Variants in RIMS2 observed in about 807,000 individuals in gnomAD.
The protein encoded by RIMS2 is regulating synaptic membrane exocytosis 2.
RIMS2 carries 59 observed loss-of-function variants against 174.4 expected under a neutral mutation model. The ratio of observed to expected loss-of-function variants is 0.34; its 90% CI spans 0.27 to 0.42. RIMS2 has a LOEUF of 0.42. Among genes scored for constraint, RIMS2 ranks in the 10% least tolerant of loss-of-function variants. RIMS2 has a pLI of 1.00. For missense variants in RIMS2, 1,620 were observed against 1,666.3 expected, an observed-to-expected ratio of 0.97 and a Z score of 0.48; for synonymous variants, 606 against 572.5, an observed-to-expected ratio of 1.06 and a Z score of -0.84.
intron 1 of RIMS2, among the ~76,000 whole-genome samples, chr8:103,522,338 TAG>T (rs1832120986): frequency 6.6e-6 from 1 of 152,012 alleles, no homozygotes; most frequent in Non-Finnish European, 1.5e-5. Context: ...TCATATGGAG[TAG>T]AGTGATACTT....
intron 3 of RIMS2, among the ~76,000 whole-genome samples, chr8:103,844,127 G>A (rs1050455437): frequency 2.0e-5 from 3 of 152,178 alleles, no homozygotes; most frequent in Non-Finnish European, 4.4e-5. Context: ...CCCTAGCCAC[G>A]TGGAACTGTG....
rs965991035 is a variant in RIMS2, at chr8:104,234,306, T to C, written c.3335-10610T>C. On this transcript the variant is annotated intron_variant, in intron 19 of 23. Coordinates refer to ENST00000504942, the Ensembl canonical transcript of RIMS2. ...CCAACCATAAAATATTGCCTCAAAATATCTAACTTGAGAGTTACGAAGAGG... is the reference window on the plus strand; with the variant it reads ...CCAACCATAAAATATTGCCTCAAAACATCTAACTTGAGAGTTACGAAGAGG... 5.9e-5 allele frequency among the ~76,000 whole-genome samples: 9 copies of C among 152,028 alleles called. No individual in the cohort carries two copies. In the East Asian group the frequency reaches 9.6e-4, roughly 16 times the overall value.
intron 19 of RIMS2, among the ~76,000 whole-genome samples, chr8:104,219,845 T>C (rs1470305767): frequency 6.6e-6 from 1 of 152,204 alleles, no homozygotes; most frequent in Non-Finnish European, 1.5e-5. Context: ...ATACTACTTG[T>C]ATATTCTGAT....
intron 21 of RIMS2, among the ~76,000 whole-genome samples, 193 bp downstream of exon 27, chr8:104,249,006 G>C (rs994194637): frequency 6.8e-6 from 1 of 147,442 alleles, no homozygotes; most frequent in Non-Finnish European, 1.5e-5. Context: ...ATGGTTCACT[G>C]CAGCCTTGAC....
chr8:104,071,249 C>A (rs1279212011), intron 19 of RIMS2, among the ~76,000 whole-genome samples: 1 of 152,086 alleles, frequency 6.6e-6, no homozygotes, highest in African/African-American at 2.4e-5. Flanking sequence ...TGACAGCAAT[C>A]ATTTTAAGTT....
chr8:103,882,283 TG>T (rs1371623021), intron 3 of RIMS2, among the ~76,000 whole-genome samples: 7 of 151,548 alleles, frequency 4.6e-5, no homozygotes, highest in Non-Finnish European at 1.0e-4. Context: ...ATTTAGTTCC[TG>T]AAAGGAATAT....
At chr8:103,502,514 T>A (rs1378108920) in intron 1 of RIMS2, among the ~76,000 whole-genome samples, 1 of 152,162 alleles carries the variant, frequency 6.6e-6, no homozygotes, top group Non-Finnish European at 1.5e-5. Context: ...TATTTGGGAA[T>A]GTTATTTATT....
chr8:103,696,885 A>AAAAAAAC (rs1554753422), intron 1 of RIMS2, among the ~76,000 whole-genome samples: 12 of 136,876 alleles, frequency 8.8e-5, no homozygotes, highest in African/African-American at 1.4e-4. Context: ...AAAAAAAAAA[A>AAAAAAAC]GAAGGTAGAA....
At chr8:104,062,406 C>A (rs138618812) in intron 19 of RIMS2, among the ~76,000 whole-genome samples, 2 of 152,002 alleles carry the variant, frequency 1.3e-5, no homozygotes, top group Non-Finnish European at 2.9e-5. Flanking sequence ...AACTCCATCT[C>A]AAAAAAATTT....
chr8:103,819,847 C>T lies in RIMS2; in HGVS notation c.698+53310C>T, dbSNP rs1330015324. On this transcript the variant is annotated intron_variant, in intron 3 of 23. Coordinates refer to ENST00000504942, the Ensembl canonical transcript of RIMS2. Reference sequence around the variant, plus strand: ...GCATCTTAAATTTAACTAGCTTGACCTCTGAAACGTAATACAGATATCAGG... The same window carrying T: ...GCATCTTAAATTTAACTAGCTTGACTTCTGAAACGTAATACAGATATCAGG... 2.0e-5 allele frequency among the ~76,000 whole-genome samples: 3 copies of T among 152,002 alleles called. No individual in the cohort carries two copies. The East Asian group carries it at 5.8e-4, about 29-fold the overall frequency.
At chr8:103,807,057 T>A (rs955418367) in intron 3 of RIMS2, among the ~76,000 whole-genome samples, 1 of 151,918 alleles carries the variant, frequency 6.6e-6, no homozygotes, top group Non-Finnish European at 1.5e-5. Context: ...GGCAAAGATA[T>A]ACAGAAGATA....
At chr8:103,764,177 C>A (rs935961239) in intron 2 of RIMS2, among the ~76,000 whole-genome samples, 1 of 152,144 alleles carries the variant, frequency 6.6e-6, no homozygotes, top group Non-Finnish European at 1.5e-5. Context: ...TATTTTTCAA[C>A]TGTTACAAAG....
At chr8:103,666,571 A>G (rs1589962826) in intron 1 of RIMS2, among the ~76,000 whole-genome samples, 1 of 152,298 alleles carries the variant, frequency 6.6e-6, no homozygotes, top group East Asian at 1.9e-4. Flanking sequence ...AGACTTCCTT[A>G]TTATGCTGGA....
rs753463742 is a variant in RIMS2, at chr8:103,766,209, CT to C, written c.388-17del. 9.6e-6 allele frequency: 15 copies of C among 1,564,104 alleles called. No individual in the cohort carries two copies. Among genetic ancestry groups the C allele is most frequent in the African/African-American group, 5.5e-5 (4 of 72,928 alleles). On this transcript the variant is annotated splice_polypyrimidine_tract_variant and intron_variant, in intron 2 of 23. Transcript: ENST00000504942. The stretch of plus-strand genomic sequence containing the variant: ...TTTTGGGAACACTAATTTTTTCCCC[CT>C]ATGTCTTCATGTGCAGGTTATGTGG...
chr8:104,225,255 T>C (rs941872919), intron 19 of RIMS2, among the ~76,000 whole-genome samples: 14 of 152,154 alleles, frequency 9.2e-5, no homozygotes, highest in African/African-American at 3.4e-4. Flanking sequence ...GTTCCGAAAT[T>C]TGCCCAGGGT....
chr8:103,730,140 G>A (rs2097573350), intron 2 of RIMS2, among the ~76,000 whole-genome samples: 1 of 152,338 alleles, frequency 6.6e-6, no homozygotes, highest in South Asian at 2.1e-4. Context: ...AGTGCTGAGA[G>A]TGAGGTGTTG....
chr8:104,162,517 G>T lies in RIMS2; in HGVS notation c.3335-82399G>T, dbSNP rs1039920208. Reference sequence around the variant, plus strand: ...CAGAAAACTAAAATGCAGTTTCATGGTTGACAGATAAAGCTCTAAAGCTGG... The same window carrying T: ...CAGAAAACTAAAATGCAGTTTCATGTTTGACAGATAAAGCTCTAAAGCTGG... On this transcript the variant is annotated intron_variant, in intron 19 of 23. Coordinates refer to ENST00000504942, the Ensembl canonical transcript of RIMS2. Among the ~76,000 whole-genome samples, 17 of 152,022 alleles carry T rather than the reference G, an allele frequency of 1.1e-4. 1 individual carries two copies. The highest frequency in any genetic ancestry group is 1.0e-4 in the Non-Finnish European group (7 of 67,990).
chr8:103,998,649 C>T (rs1458541412), intron 17 of RIMS2, among the ~76,000 whole-genome samples: 6 of 151,724 alleles, frequency 4.0e-5, no homozygotes, highest in Admixed American at 2.0e-4. Context: ...TTTCCCACCT[C>T]CAGAGTAGAG....
At chr8:103,503,155 C>G (rs1378449769) in intron 1 of RIMS2, among the ~76,000 whole-genome samples, 1 of 151,860 alleles carries the variant, frequency 6.6e-6, no homozygotes, top group East Asian at 1.9e-4. Flanking sequence ...GTTTGCATTG[C>G]TACCTAACTT....
Sources: allele counts gnomAD v4.1 joint callset (sites outside exome capture counted in the v4.1 genomes callset), GRCh38; gene constraint gnomAD v4.1.1; transcripts MANE v1.5; gene names NCBI Gene and HGNC (gene_info 2026-07-23, HGNC 2026-07-21).